Variants in SLC24A2 observed in about 807,000 individuals in gnomAD.
The protein encoded by SLC24A2 is sodium/potassium/calcium exchanger 2.
Under a neutral mutation model 62.0 loss-of-function variants are expected in SLC24A2, and 36 were observed. The observed-to-expected ratio is 0.58, with a 90% CI of 0.44 to 0.77. The LOEUF is 0.77. Among genes scored for constraint, SLC24A2 ranks in the 30% least tolerant of loss-of-function variants. The pLI, the probability that SLC24A2 is intolerant of heterozygous loss-of-function variation, is 0.00. For missense variants in SLC24A2, 846 were observed against 817.9 expected (o/e 1.03, Z -0.42); for synonymous variants, 358 against 294.0 (o/e 1.22, Z -2.23).
intron 2 of SLC24A2, among the ~76,000 whole-genome samples, chr9:19,682,478 A>G (rs1346849303): frequency 1.3e-5 from 2 of 152,156 alleles, no homozygotes; most frequent in Non-Finnish European, 1.5e-5. Flanking sequence ...AATTTTAACT[A>G]AAATAGTAAA....
intron 2 of SLC24A2, among the ~76,000 whole-genome samples, chr9:19,653,422 A>G (rs1818854926): frequency 6.6e-6 from 1 of 152,180 alleles, no homozygotes; most frequent in African/African-American, 2.4e-5. Context: ...TAGGTGCTCA[A>G]GAAGTGTGCT....
the SLC24A2 span, among the ~76,000 whole-genome samples, chr9:20,300,223 G>C: frequency 1.3e-5 from 2 of 152,136 alleles, no homozygotes; most frequent in Admixed American, 1.3e-4. Context: ...TTGGAAAATG[G>C]GGTATCTATC....
At chr9:20,157,275 T>C in the SLC24A2 span, among the ~76,000 whole-genome samples, 1 of 151,330 alleles carries the variant, frequency 6.6e-6, no homozygotes, top group African/African-American at 2.4e-5. Context: ...AAACCACACA[T>C]GACCCACATA....
the SLC24A2 span, among the ~76,000 whole-genome samples, chr9:20,164,095 C>A: frequency 3.4e-4 from 52 of 152,186 alleles, no homozygotes; most frequent in Non-Finnish European, 5.7e-4. Context: ...GTCTAAAATA[C>A]CAAAAGCAAT....
At chr9:20,146,779 AGATACCCTT>A in the SLC24A2 span, among the ~76,000 whole-genome samples, 5 of 152,128 alleles carry the variant, frequency 3.3e-5, no homozygotes, top group African/African-American at 1.2e-4. Flanking sequence ...AGAAGGCAAG[AGATACCCTT>A]GATCTGAGTT....
chr9:19,571,698 A>G (rs187094453), intron 7 of SLC24A2, among the ~76,000 whole-genome samples: 40 of 152,354 alleles, frequency 2.6e-4, no homozygotes, highest in South Asian at 2.1e-4. Flanking sequence ...AGAAACACTG[A>G]GCTAGGTAAA....
chr9:19,865,817 G>A, the SLC24A2 span, among the ~76,000 whole-genome samples: 1 of 152,086 alleles, frequency 6.6e-6, no homozygotes, highest in Non-Finnish European at 1.5e-5. Context: ...TACCCGATAA[G>A]CACAGGCAAC....
At chr9:19,795,710 C>T in the SLC24A2 span, among the ~76,000 whole-genome samples, 2 of 152,090 alleles carry the variant, frequency 1.3e-5, no homozygotes, top group South Asian at 4.2e-4. Flanking sequence ...ACAATATTCT[C>T]CCCCCTCCCT....
At chr9:20,165,918 A>G in the SLC24A2 span, among the ~76,000 whole-genome samples, 1 of 151,990 alleles carries the variant, frequency 6.6e-6, no homozygotes, top group Non-Finnish European at 1.5e-5. Context: ...AAATGTATAA[A>G]GAGCTTTTTT....
At chr9:19,843,262 G>T in the SLC24A2 span, among the ~76,000 whole-genome samples, 1 of 152,200 alleles carries the variant, frequency 6.6e-6, no homozygotes, top group Non-Finnish European at 1.5e-5. Context: ...AACACTTTGG[G>T]AGGCCAAGGT....
In SLC24A2 at chr9:19,546,149, T is replaced by C. The variant is rs115487066; in HGVS notation, c.1479+3988A>G. On this transcript the variant is annotated intron_variant, in intron 8 of 10. Transcript: ENST00000341998. ...ATGAGGTAGGTCTGTTGGCCCCTAC[T>C]GGGAGCTGTCTCCCAGTCAGTACAC... 1.0e-2 allele frequency among the ~76,000 whole-genome samples: 1,517 copies of C among 152,320 alleles called. 28 individuals are homozygous for C. Among genetic ancestry groups the C allele is most frequent in the African/African-American group, 0.035 (1,456 of 41,576 alleles).
chr9:19,550,324 C>T lies in SLC24A2; in HGVS notation c.1348-56G>A, dbSNP rs1232084928. On this transcript the variant is annotated intron_variant, in intron 7 of 10. Coordinates refer to ENST00000341998, the MANE Select transcript of SLC24A2 (RefSeq NM_020344.4). Reference sequence around the variant, plus strand: ...AACAAAAAAATAAAATGTACACAGGCACAACAACAGGAGCACAGAACAAAG... The same window carrying T: ...AACAAAAAAATAAAATGTACACAGGTACAACAACAGGAGCACAGAACAAAG... 3.8e-6 allele frequency: 6 copies of T among 1,570,200 alleles called. No homozygotes were observed. The African/African-American group carries it at 6.8e-5, about 18-fold the overall frequency.
intron 2 of SLC24A2, among the ~76,000 whole-genome samples, chr9:19,707,248 A>G (rs1158367097): frequency 6.6e-6 from 1 of 152,222 alleles, no homozygotes; most frequent in African/African-American, 2.4e-5. Flanking sequence ...AGGCTCTGAA[A>G]TTGTGGCAAT....
chr9:19,922,886 T>G, the SLC24A2 span, among the ~76,000 whole-genome samples: 20 of 151,822 alleles, frequency 1.3e-4, no homozygotes, highest in Non-Finnish European at 1.8e-4. Context: ...AGATATTAAC[T>G]TTTAAATATT....
the SLC24A2 span, among the ~76,000 whole-genome samples, chr9:20,203,122 GAAA>G: frequency 6.9e-6 from 1 of 144,068 alleles, no homozygotes; most frequent in Admixed American, 6.8e-5. Flanking sequence ...TGACTAAAAG[GAAA>G]AAAAAAAAAA....
Position 19,516,376 on chromosome 9 carries a change from G to C in SLC24A2, c.1763C>G (p.Thr588Ser). 1.2e-6 allele frequency: 2 copies of C among 1,614,056 alleles called. No individual in the cohort carries two copies. Among genetic ancestry groups the C allele is most frequent in the Non-Finnish European group, 1.7e-6 (2 of 1,179,984 alleles). ...CACTGGCTGGAATCTGTGAATGACG[G>C]TGTACAGGAGCCAGGGCAGTGGGAG... is the stretch of plus-strand genomic sequence containing the variant. Reference protein sequence around the residue: ...VGLPLPWLLYTVIHRFQPVAV... With the variant: ...VGLPLPWLLYSVIHRFQPVAV... The change falls in exon 11 of 11, where the codon ACC becomes AGC. Residue 588 changes from threonine to serine, a missense_variant. Transcript: ENST00000341998.
chr9:20,181,397 T>G, the SLC24A2 span, among the ~76,000 whole-genome samples: 4 of 152,170 alleles, frequency 2.6e-5, 1 homozygote, highest in African/African-American at 9.7e-5. Context: ...GCTACAGGGT[T>G]ACAGTCACCA....
chr9:20,148,134 T>C, the SLC24A2 span, among the ~76,000 whole-genome samples: 2 of 152,032 alleles, frequency 1.3e-5, no homozygotes, highest in Non-Finnish European at 2.9e-5. Context: ...CGGATAAGTA[T>C]ACTCTTCAAA....
At chr9:19,532,277 G>C (rs750294570) in intron 8 of SLC24A2, among the ~76,000 whole-genome samples, 1 of 151,980 alleles carries the variant, frequency 6.6e-6, no homozygotes, top group African/African-American at 2.4e-5. Context: ...TGTATTTTTA[G>C]TAGAGACAGG....
Sources: gnomAD v4.1 joint callset for allele counts (sites outside exome capture counted in the v4.1 genomes callset) on GRCh38, gnomAD v4.1.1 for gene constraint, MANE v1.5 for transcripts, NCBI Gene and HGNC (gene_info 2026-07-23, HGNC 2026-07-21) for gene names.